DMRT2: variants seen among roughly 807,000 people sequenced by gnomAD.
DMRT2 encodes the protein doublesex- and mab-3-related transcription factor 2.
Under a neutral mutation model 43.5 loss-of-function variants are expected in DMRT2, and 33 were observed. That is an observed-to-expected ratio of 0.76 (90% CI 0.58 to 1.01). DMRT2 has a LOEUF of 1.01. Among genes scored for constraint, DMRT2 ranks in the 50% least tolerant of loss-of-function variants. The pLI is 0.00. For synonymous variants in DMRT2, 395 were observed against 309.2 expected, an observed-to-expected ratio of 1.28 and a Z score of -2.91; for missense variants, 1,064 against 748.0, an observed-to-expected ratio of 1.42 and a Z score of -4.93.
Position 1,056,607 on chromosome 9 carries a change from A to G in DMRT2, c.1020A>G (p.Arg340=), listed in dbSNP as rs1822007616. The part of the protein sequence containing the change: ...TTYRQYPLSS[R]FLVWPKCGPI... ...ATAGACAGTATCCCTTGTCCTCAAG[A>G]TTTTTAGTTTGGCCCAAGTGTGGCC... is the stretch of plus-strand genomic sequence containing the variant. The change falls in exon 4 of 4, where the codon AGA becomes AGG. Residue 340 remains arginine, a synonymous_variant. Transcript: ENST00000358146. The G allele has an allele frequency of 6.2e-7, 1 of 1,614,104 alleles. No homozygotes were observed. Among genetic ancestry groups the G allele is most frequent in the South Asian group, 1.1e-5 (1 of 91,078 alleles).
Position 1,051,860 on chromosome 9 carries a change from G to T in DMRT2, c.247G>T (p.Gly83Ter), listed in dbSNP as rs1026157610. Residue 83 changes from glycine to a stop codon, truncating the protein, a stop_gained, in exon 2 of 4, where the codon GGA (glycine) becomes TGA (stop). Transcript: ENST00000358146. LOFTEE classifies it high-confidence loss of function. The surrounding 1 kb of genome is among the most constrained non-coding windows in gnomAD (Gnocchi z 5.9). ...GMPGQPEQRG[G>*]PQPRPPLAPQ... ...GCCCGGCCAGCCGGAGCAGCGGGGGGGACCGCAGCCGAGGCCGCCGCTCGC... is the reference window on the plus strand; with the variant it reads ...GCCCGGCCAGCCGGAGCAGCGGGGGTGACCGCAGCCGAGGCCGCCGCTCGC... 7.2e-7 allele frequency: 1 copy of T among 1,394,554 alleles called. No homozygotes were observed. The highest frequency in any genetic ancestry group is 9.2e-7 in the Non-Finnish European group (1 of 1,085,072). 86.4% of individuals were successfully genotyped at this position (1,394,554 alleles called of 1,614,324 possible).
intron 2 of DMRT2, 123 bp from the exon 3 acceptor site, chr9:1,053,599 G>T (rs1016191532): frequency 4.6e-6 from 4 of 862,910 alleles, no homozygotes; most frequent in Non-Finnish European, 7.2e-6. Context: ...CACACGGAAT[G>T]GGAAAATTCA....
chr9:1,052,319 A>C (rs1407089226), intron 2 of DMRT2, among the ~76,000 whole-genome samples, 181 bp downstream of exon 2: 2 of 152,158 alleles, frequency 1.3e-5, no homozygotes, highest in Non-Finnish European at 2.9e-5. Flanking sequence ...GGGAAAAAGC[A>C]GGCATCTCTG....
chr9:1,051,832 G>T lies in DMRT2; in HGVS notation c.219G>T (p.Gly73=), dbSNP rs1563719913. ...GCGAGGAGGCAGGCGCGTCCCCCGGGATGCCCGGCCAGCCGGAGCAGCGGG... is the reference window on the plus strand; with the variant it reads ...GCGAGGAGGCAGGCGCGTCCCCCGGTATGCCCGGCCAGCCGGAGCAGCGGG... The part of the protein sequence containing the change: ...GDGEEAGASP[G]MPGQPEQRGG... Residue 73 remains glycine, a synonymous_variant, in exon 2 of 4, where the codon GGG becomes GGT. Transcript: ENST00000358146. This position sits in a 1 kb window ranked among gnomAD's most constrained non-coding sequence, Gnocchi z 5.9. The T allele has an allele frequency of 6.9e-7, 1 of 1,445,612 alleles. No homozygotes were observed. The highest frequency in any genetic ancestry group is 2.9e-5 in the East Asian group (1 of 33,926). 89.5% of individuals were successfully genotyped at this position (1,445,612 alleles called of 1,614,324 possible). A position where few individuals can be genotyped will look rare whatever the true frequency, so the allele number is the denominator to read the frequency against.
chr9:1,055,049 T>G (rs1821878320), intron 3 of DMRT2, among the ~76,000 whole-genome samples: 1 of 152,242 alleles, frequency 6.6e-6, no homozygotes, highest in South Asian at 2.1e-4. Context: ...GGTTACAAAC[T>G]GGATAAACAG....
chr9:1,051,786 A>T lies in DMRT2; in HGVS notation c.173A>T (p.Asp58Val), dbSNP rs1821602941. 6.6e-7 allele frequency: 1 copy of T among 1,512,876 alleles called. No individual in the cohort carries two copies. Among genetic ancestry groups the T allele is most frequent in the African/African-American group, 1.5e-5 (1 of 68,962 alleles). The allele number at this position is 1,512,876 out of a possible 1,614,324, so 93.7% of individuals were successfully genotyped here. A position where few individuals can be genotyped will look rare whatever the true frequency, so the allele number is the denominator to read the frequency against. Residue 58 changes from aspartate (D) to valine (V), a missense_variant, in exon 2 of 4, where the codon GAC becomes GTC. Asp to Val is a radical substitution (Grantham distance 152, BLOSUM62 -3). Coordinates refer to ENST00000358146, the MANE Select transcript of DMRT2 (RefSeq NM_181872.6). This position sits in a 1 kb window ranked among gnomAD's most constrained non-coding sequence, Gnocchi z 5.9. ...GAAGATGACGACGGGGTGGACGAAG[A>T]CGCGGAAGAAGAGGGCGACGGCGAG... is the stretch of plus-strand genomic sequence containing the variant. Reference protein sequence around the residue: ...DDEDDDGVDEDAEEEGDGEEA... With the variant: ...DDEDDDGVDEVAEEEGDGEEA...
In DMRT2 at chr9:1,053,748, G is replaced by A; in HGVS notation, c.552G>A (p.Gln184=). The change falls in exon 3 of 4, where the codon CAG becomes CAA. Residue 184 remains glutamine (Q), a synonymous_variant. Transcript: ENST00000358146. ...ACAAGAAGGGGCTTTCCGGGAAACA[G>A]AATAATTTCGAGCGCAAAGCTGTGT... ...TEDKKGLSGK[Q]NNFERKAVYQ... is the part of the protein sequence containing the mutation. 4 of 1,614,020 alleles carry A rather than the reference G, an allele frequency of 2.5e-6. No homozygotes were observed. Among genetic ancestry groups the A allele is most frequent in the South Asian group, 1.1e-5 (1 of 91,058 alleles).
intron 3 of DMRT2, among the ~76,000 whole-genome samples, chr9:1,055,221 G>A (rs1351410710): frequency 6.6e-6 from 1 of 152,198 alleles, no homozygotes; most frequent in African/African-American, 2.4e-5. Context: ...ATTTGCAAAT[G>A]AGTATAATGG....
chr9:1,055,924 A>G, intron 3 of DMRT2: 1 of 1,411,748 alleles, frequency 7.1e-7, no homozygotes, highest in Non-Finnish European at 9.2e-7. Flanking sequence ...TAAAATTTTA[A>G]TCAATAAAGT....
Position 1,056,304 on chromosome 9 carries a change from C to T in DMRT2, c.717C>T (p.Ala239=). 1 of 1,614,200 alleles carries T rather than the reference C, an allele frequency of 6.2e-7. No individual in the cohort carries two copies. Among genetic ancestry groups the T allele is most frequent in the South Asian group, 1.1e-5 (1 of 91,080 alleles). ...GTGACAGGATGAGGAAAAGAAGAGCCTTTGCTGATAAAGAGTTGGAGAACA... is the reference window on the plus strand; with the variant it reads ...GTGACAGGATGAGGAAAAGAAGAGCTTTTGCTGATAAAGAGTTGGAGAACA... ...PVSDRMRKRR[A]FADKELENIM... The change falls in exon 4 of 4, where the codon GCC becomes GCT. Residue 239 remains alanine (A), a synonymous_variant. Transcript: ENST00000358146.
Position 1,056,608 on chromosome 9 carries a change from T to C in DMRT2, c.1021T>C (p.Phe341Leu). The change falls in exon 4 of 4, where the codon TTT becomes CTT. Residue 341 changes from phenylalanine (F) to leucine (L), a missense_variant. Physicochemically the swap from Phe to Leu is conservative, Grantham distance 22 (BLOSUM62 0). Transcript: ENST00000358146. The part of the protein sequence containing the change: ...TYRQYPLSSR[F>L]LVWPKCGPIS... ...TAGACAGTATCCCTTGTCCTCAAGA[T>C]TTTTAGTTTGGCCCAAGTGTGGCCC... The C allele has an allele frequency of 6.2e-7, 1 of 1,614,176 alleles. No individual in the cohort carries two copies. Among genetic ancestry groups the C allele is most frequent in the Non-Finnish European group, 8.5e-7 (1 of 1,180,024 alleles).
chr9:1,051,470 A>G lies in DMRT2; in HGVS notation c.-44-100A>G. ...CATGTAATGAGAACAGGATGACTCA[A>G]GCGGCCGGAGGCGGGCAGACCAGGA... On this transcript the variant is annotated intron_variant, in intron 1 of 3. Transcript: ENST00000358146. The surrounding 1 kb of genome is among the most constrained non-coding windows in gnomAD (Gnocchi z 5.9). The G allele has an allele frequency of 7.4e-7, 1 of 1,359,502 alleles. No individual in the cohort carries two copies. Among genetic ancestry groups the G allele is most frequent in the East Asian group, 3.0e-5 (1 of 33,394 alleles). The allele number at this position is 1,359,502 out of a possible 1,614,324, so 84.2% of individuals were successfully genotyped here.
chr9:1,052,577 C>T (rs1490615736), intron 2 of DMRT2, among the ~76,000 whole-genome samples: 1 of 151,966 alleles, frequency 6.6e-6, no homozygotes, highest in Admixed American at 6.5e-5. Context: ...CGCATGCGCT[C>T]GGTGCTTCAG....
rs941881158 is a variant in DMRT2, at chr9:1,051,544, C to G, written c.-44-26C>G. ...TGGTCCCTGACGGCGGCCGGTGGGT[C>G]TTTGGATTTCTTTGTGTTTCCCCAG... On this transcript the variant is annotated intron_variant, in intron 1 of 3. Transcript: ENST00000358146. The surrounding 1 kb of genome is among the most constrained non-coding windows in gnomAD (Gnocchi z 5.9). 9.0e-6 allele frequency: 13 copies of G among 1,439,632 alleles called. No individual in the cohort carries two copies. The highest frequency in any genetic ancestry group is 9.9e-6 in the Non-Finnish European group (11 of 1,106,694). 89.2% of individuals were successfully genotyped at this position (1,439,632 alleles called of 1,614,324 possible).
At chr9:1,053,535 C>T (rs1339695104) in intron 2 of DMRT2, among the ~76,000 whole-genome samples, 187 bp from the exon 3 acceptor site, 3 of 152,234 alleles carry the variant, frequency 2.0e-5, no homozygotes, top group Non-Finnish European at 2.9e-5. Context: ...GAGGTTCCAG[C>T]TCCTTGCCCT....
chr9:1,057,166 G>A lies in DMRT2; in HGVS notation c.1579G>A (p.Val527Ile). ...TIDRCAKDLF[V>I]AKQVGTKLSV... ...AGATAGATGTGCAAAAGACCTTTTT[G>A]TAGCCAAACAAGTTGGAACAAAACT... The change falls in exon 4 of 4, where the codon GTA (valine) becomes ATA (isoleucine). Residue 527 changes from valine to isoleucine, a missense_variant. Physicochemically the swap from Val to Ile is conservative, Grantham distance 29. Transcript: ENST00000358146. The A allele has an allele frequency of 2.5e-6, 4 of 1,614,006 alleles. No individual in the cohort carries two copies. Among genetic ancestry groups the A allele is most frequent in the Non-Finnish European group, 3.4e-6 (4 of 1,180,002 alleles).
rs776439646 is a variant in DMRT2, at chr9:1,053,724, C to G, written c.528C>G (p.Asp176Glu). Residue 176 changes from aspartate (D) to glutamate (E), a missense_variant and splice_region_variant, in exon 3 of 4, where the codon GAC (aspartate) becomes GAG (glutamate). By Grantham distance (45) the Asp-to-Glu change is conservative. Coordinates refer to ENST00000358146, the MANE Select transcript of DMRT2 (RefSeq NM_181872.6). ...VALRRQQATEDKKGLSGKQNN... is the reference protein window; with the variant it reads ...VALRRQQATEEKKGLSGKQNN... ...GATGATGTTTCTTGTGTTTACAGGA[C>G]AAGAAGGGGCTTTCCGGGAAACAGA... 3.1e-6 allele frequency: 5 copies of G among 1,612,898 alleles called. No homozygotes were observed. In the African/African-American group the frequency reaches 4.0e-5, roughly 13 times the overall value.
chr9:1,054,241 A>C (rs1449230995), intron 3 of DMRT2, among the ~76,000 whole-genome samples: 1 of 152,226 alleles, frequency 6.6e-6, no homozygotes, highest in Non-Finnish European at 1.5e-5. Flanking sequence ...CTTGGAAGGA[A>C]ATAAATAACT....
At position 1,056,271 on chromosome 9, in the gene DMRT2, C is replaced by G. The variant is rs1442344296; in HGVS notation, c.684C>G (p.Pro228=). ...TYVGGTFPLP[P]PVSDRMRKRR... is the part of the protein sequence containing the mutation. Reference sequence around the variant, plus strand: ...TAGGAGGGACCTTCCCTCTACCTCCCCCAGTTAGTGACAGGATGAGGAAAA... The same window carrying G: ...TAGGAGGGACCTTCCCTCTACCTCCGCCAGTTAGTGACAGGATGAGGAAAA... The change falls in exon 4 of 4, where the codon CCC becomes CCG. Residue 228 remains proline (P), a synonymous_variant. Coordinates refer to ENST00000358146, the MANE Select transcript of DMRT2 (RefSeq NM_181872.6). 3.7e-6 allele frequency: 6 copies of G among 1,614,170 alleles called. No homozygotes were observed. Among genetic ancestry groups the G allele is most frequent in the Non-Finnish European group, 5.1e-6 (6 of 1,180,030 alleles).
Sources: allele counts gnomAD v4.1 joint callset (sites outside exome capture counted in the v4.1 genomes callset), GRCh38; gene constraint gnomAD v4.1.1; non-coding constraint Gnocchi (gnomAD v3.1); transcripts MANE v1.5; gene names NCBI Gene and HGNC (gene_info 2026-07-23, HGNC 2026-07-21).